DNAJB1: variants seen among roughly 807,000 people sequenced by gnomAD.
DNAJB1 encodes the protein DnaJ heat shock protein family (Hsp40) member B1, also known as dnaJ homolog subfamily B member 1.
Under a neutral mutation model 24.0 loss-of-function variants are expected in DNAJB1, and 14 were observed. That is an observed-to-expected ratio of 0.58 (90% confidence interval 0.39 to 0.91). DNAJB1 has a LOEUF of 0.91. Ranked by LOEUF, DNAJB1 falls within the 40% of genes least tolerant of loss-of-function variation. The pLI is 0.00. For synonymous variants in DNAJB1, 262 were observed against 174.4 expected, an observed-to-expected ratio of 1.50 and a Z score of -3.96; for missense variants, 517 against 458.1, an observed-to-expected ratio of 1.13 and a Z score of -1.17.
In DNAJB1 at chr19:14,556,616, G is replaced by C. The variant is rs192317699; in HGVS notation, c.-2165-2298C>G. Among the ~76,000 whole-genome samples the C allele has an allele frequency of 2.6e-5, 4 of 152,216 alleles. No homozygotes were observed. The South Asian group carries it at 8.3e-4, about 32-fold the overall frequency. Reference sequence around the variant, plus strand: ...GCCATATCCCAGGAACTGGAACAGTGCCTGGGGTATGGGAAGGAGGGAGTC... The same window carrying C: ...GCCATATCCCAGGAACTGGAACAGTCCCTGGGGTATGGGAAGGAGGGAGTC... On this transcript the variant is annotated intron_variant, in intron 1 of 5. Transcript: ENST00000679223.
chr19:14,551,972 T>A (rs2073537008), upstream of DNAJB1, among the ~76,000 whole-genome samples: 1 of 124,816 alleles, frequency 8.0e-6, no homozygotes, highest in Non-Finnish European at 1.7e-5. Context: ...TCTCTCTCTC[T>A]TTCTCTCTTT....
At chr19:14,550,174 G>A (rs1472357303) in intron 1 of DNAJB1, among the ~76,000 whole-genome samples, 2 of 152,046 alleles carry the variant, frequency 1.3e-5, no homozygotes, top group Non-Finnish European at 2.9e-5. Flanking sequence ...GGCCTGGCAT[G>A]TGTCAGTGAA....
upstream of DNAJB1, among the ~76,000 whole-genome samples, chr19:14,522,602 G>T (rs1295867691): frequency 6.6e-6 from 1 of 151,214 alleles, no homozygotes; most frequent in Non-Finnish European, 1.5e-5. Context: ...GCAGATTTTG[G>T]TGTTGTCTAG....
chr19:14,538,525 CTCTTTTTTT>C (rs1482790547), intron 1 of DNAJB1, among the ~76,000 whole-genome samples: 1 of 132,460 alleles, frequency 7.5e-6, no homozygotes, highest in Non-Finnish European at 1.6e-5. Context: ...GGCCTCAAAA[CTCTTTTTTT>C]TCTTTTTTTT....
intron 1 of DNAJB1, chr19:14,517,845 TC>T: frequency 3.2e-6 from 1 of 310,236 alleles, no homozygotes; most frequent in Non-Finnish European, 5.9e-6. Flanking sequence ...CACCCCCGGC[TC>T]CCCCACCCCC....
chr19:14,530,659 G>A (rs1875266832), upstream of DNAJB1: 1 of 152,124 alleles, frequency 6.6e-6, no homozygotes. Context: ...ACAGATAGGG[G>A]AACTCAGGAC....
At chr19:14,560,219 G>T (rs567301144) in exon 1 of DNAJB1, among the ~76,000 whole-genome samples, 7 of 152,184 alleles carry the variant, frequency 4.6e-5, no homozygotes, top group African/African-American at 7.2e-5. Flanking sequence ...GCCCAGGTTG[G>T]GGGGAGCAGG....
chr19:14,526,896 C>A (rs374342588), intron 2 of DNAJB1, among the ~76,000 whole-genome samples: 20 of 152,232 alleles, frequency 1.3e-4, no homozygotes, highest in African/African-American at 4.8e-4. Flanking sequence ...GTAACTCAAT[C>A]TGATAGGATT....
rs11540700 is a variant in DNAJB1 at position 14,518,327 on chromosome 19, G to A, written c.23C>T (p.Thr8Met). Residue 8 changes from threonine to methionine, a missense_variant, in exon 1 of 3, where the codon ACG becomes ATG. Thr to Met is a moderately conservative substitution (Grantham distance 81). Coordinates refer to ENST00000254322, the MANE Select transcript of DNAJB1 (RefSeq NM_006145.3). MGKDYYQ[T>M]LGLARGASDE... ...CGACGCGCCGCGGGCCAGGCCCAAC[G>A]TCTGGTAGTAGTCTTTACCCATGAC... 3.1e-6 allele frequency: 5 copies of A among 1,600,606 alleles called. No homozygotes were observed. The highest frequency in any genetic ancestry group is 1.7e-5 in the Admixed American group (1 of 58,260).
At chr19:14,546,921 C>T (rs934150781) in intron 1 of DNAJB1, among the ~76,000 whole-genome samples, 2 of 152,174 alleles carry the variant, frequency 1.3e-5, no homozygotes, top group Non-Finnish European at 2.9e-5. Flanking sequence ...AACTCCTGAC[C>T]TCAAGTGATC....
At chr19:14,535,543 A>AAT (rs747348455) in intron 1 of DNAJB1, among the ~76,000 whole-genome samples, 353 of 32,618 alleles carry the variant, frequency 0.011, no homozygotes, top group Middle Eastern at 0.021. Context: ...AAAAAAAAAA[A>AAT]ATATATATAT....
At position 14,537,979 on chromosome 19, in the gene DNAJB1, C is replaced by T. The variant is rs552544165; in HGVS notation, c.-213-10169G>A. ...CAGGCTGGTCTGAAACTCTTGACCT[C>T]AGGTGATCCGCCCAACTTGGCCTCC... On this transcript the variant is annotated intron_variant, in intron 1 of 3. Coordinates refer to the DNAJB1 transcript ENST00000676982. Among the ~76,000 whole-genome samples, 250 of 152,080 alleles carry T rather than the reference C, an allele frequency of 1.6e-3. 1 individual carries two copies. The highest frequency in any genetic ancestry group is 1.8e-3 in the Non-Finnish European group (121 of 68,012).
intron 1 of DNAJB1, among the ~76,000 whole-genome samples, chr19:14,557,945 T>C (rs944493930): frequency 3.3e-5 from 5 of 151,090 alleles, no homozygotes; most frequent in East Asian, 2.0e-4. Context: ...TTAGTAGAGA[T>C]GGGGTTTCAC....
intron 1 of DNAJB1, among the ~76,000 whole-genome samples, chr19:14,542,428 C>G (rs1426885257): frequency 1.5e-5 from 2 of 131,384 alleles, no homozygotes; most frequent in Non-Finnish European, 3.1e-5. Context: ...GTGGTGCAAT[C>G]TCGGCTCACT....
At chr19:14,551,949 CT>C (rs2146603994), upstream of DNAJB1, among the ~76,000 whole-genome samples, 1 of 28,644 alleles carries the variant, frequency 3.5e-5, no homozygotes, top group African/African-American at 2.0e-4. Flanking sequence ...CTCCCTCCCT[CT>C]CTCTCTCTCT....
In DNAJB1 at chr19:14,515,884, C is replaced by T. The variant is rs2146517179; in HGVS notation, c.*56G>A. Reference sequence around the variant, plus strand: ...ATGGTCCACAACTGGTAGAAAGGTCCAGAAATCCTTGAGCTCTGGAAAGGT... The same window carrying T: ...ATGGTCCACAACTGGTAGAAAGGTCTAGAAATCCTTGAGCTCTGGAAAGGT... On this transcript the variant is annotated 3_prime_UTR_variant, in exon 3 of 3. Transcript: ENST00000254322. 6.4e-7 allele frequency: 1 copy of T among 1,562,096 alleles called. No individual in the cohort carries two copies.
At chr19:14,522,250 T>G (rs1178459459), upstream of DNAJB1, among the ~76,000 whole-genome samples, 1 of 152,040 alleles carries the variant, frequency 6.6e-6, no homozygotes, top group Non-Finnish European at 1.5e-5. Flanking sequence ...GTTGCTTGAC[T>G]TTAAAAACAG....
At chr19:14,522,707 C>CACAT (rs1167497109), upstream of DNAJB1, among the ~76,000 whole-genome samples, 1 of 151,452 alleles carries the variant, frequency 6.6e-6, no homozygotes, top group African/African-American at 2.4e-5. Flanking sequence ...CACACACACA[C>CACAT]ACACACACAC....
rs1388666906 is a variant in DNAJB1 at position 14,518,312 on chromosome 19, CGGGCCA to C, written c.32_37del (p.Leu11_Ala12del). 1 of 1,605,730 alleles carries C rather than the reference CGGGCCA, an allele frequency of 6.2e-7. No homozygotes were observed. Among genetic ancestry groups the C allele is most frequent in the South Asian group, 1.1e-5 (1 of 90,632 alleles). On this transcript the variant is annotated inframe_deletion, in exon 1 of 3. Coordinates refer to ENST00000254322, the MANE Select transcript of DNAJB1 (RefSeq NM_006145.3). ...CTTGATCTCCTCGTCCGACGCGCCG[CGGGCCA>C]GGCCCAACGTCTGGTAGTAGTCTTT...
Sources: allele counts gnomAD v4.1 joint callset (sites outside exome capture counted in the v4.1 genomes callset), GRCh38; gene constraint gnomAD v4.1.1; transcripts MANE v1.5; gene names NCBI Gene and HGNC (gene_info 2026-07-23, HGNC 2026-07-21).